SBNO2: variants seen among roughly 807,000 people sequenced by gnomAD.
The protein encoded by SBNO2 is protein strawberry notch homolog 2.
In SBNO2, 89 loss-of-function variants were observed where a neutral mutation model predicts 146.3. The observed-to-expected ratio is 0.61, with a 90% CI of 0.51 to 0.73. SBNO2 has a LOEUF of 0.73. SBNO2 is among the 30% of genes least tolerant of loss of function. The pLI is 0.00. For missense variants in SBNO2, 2,092 were observed against 2,003.7 expected, an observed-to-expected ratio of 1.04 and a Z score of -0.84; for synonymous variants, 1,147 against 892.6, an observed-to-expected ratio of 1.29 and a Z score of -5.08.
intron 1 of SBNO2, among the ~76,000 whole-genome samples, chr19:1,166,095 TCCCAAAC>T (rs2080419634): frequency 6.1e-5 from 1 of 16,414 alleles, no homozygotes; most frequent in Non-Finnish European, 1.1e-4. Flanking sequence ...AGACCCTAGA[TCCCAAAC>T]CCCAGATCTC....
At chr19:1,141,352 T>C (rs2080135569) in intron 4 of SBNO2, among the ~76,000 whole-genome samples, 1 of 151,950 alleles carries the variant, frequency 6.6e-6, no homozygotes, top group South Asian at 2.1e-4. Flanking sequence ...GTAGCTGGGA[T>C]TACAGGTGCC....
Position 1,140,098 on chromosome 19 carries a change from G to T in SBNO2, c.279+7211C>A, listed in dbSNP as rs1355248211. Among the ~76,000 whole-genome samples the T allele has an allele frequency of 6.6e-6, 1 of 152,080 alleles. No homozygotes were observed. Among genetic ancestry groups the T allele is most frequent in the African/African-American group, 2.4e-5 (1 of 41,412 alleles). ...GTGGATCACAAGGTCAGGAGATTGA[G>T]ACCAGCCTGGCTAACACGGTGAAAC... is the stretch of plus-strand genomic sequence containing the variant. On this transcript the variant is annotated intron_variant, in intron 4 of 31. Transcript: ENST00000361757. The surrounding 1 kb of genome is among the most constrained non-coding windows in gnomAD (Gnocchi z 4.4).
At chr19:1,170,132 C>G (rs137867127) in intron 1 of SBNO2, among the ~76,000 whole-genome samples, 3 of 152,356 alleles carry the variant, frequency 2.0e-5, no homozygotes, top group Non-Finnish European at 4.4e-5. Flanking sequence ...GCCGGGCGCA[C>G]AGACGACAGA....
intron 4 of SBNO2, chr19:1,132,214 C>T (rs1240223631): frequency 5.9e-6 from 8 of 1,350,340 alleles, no homozygotes; most frequent in Non-Finnish European, 6.7e-6. Context: ...GGCAGCAGCC[C>T]CAGCATTGGG....
Position 1,122,995 on chromosome 19 carries a change from A to C in SBNO2, c.679T>G (p.Ser227Ala). The C allele has an allele frequency of 1.3e-6, 2 of 1,583,798 alleles. No individual in the cohort carries two copies. The highest frequency in any genetic ancestry group is 8.6e-7 in the Non-Finnish European group (1 of 1,165,744). ...GTGATGTCTGGGGGTGGGACGCTGG[A>C]CAGTGTGCTGGTCTCCACCACGCGG... ...PDRVVETSTLSSVPPPDITYT... is the reference protein window; with the variant it reads ...PDRVVETSTLASVPPPDITYT... Residue 227 changes from serine to alanine, a missense_variant, in exon 8 of 32, where the codon TCC becomes GCC. Coordinates refer to ENST00000361757, the MANE Select transcript of SBNO2 (RefSeq NM_014963.3).
At chr19:1,132,185 G>A in intron 4 of SBNO2, 1 of 1,410,144 alleles carries the variant, frequency 7.1e-7, no homozygotes, top group Non-Finnish European at 9.2e-7. Flanking sequence ...CTGCCCGGGA[G>A]CGGCTCCCTC....
rs2080269352 is a variant in SBNO2, at chr19:1,154,324, A to G, written c.-48T>C. The G allele has an allele frequency of 1.8e-6, 2 of 1,111,396 alleles. No homozygotes were observed. Among genetic ancestry groups the G allele is most frequent in the Non-Finnish European group, 1.1e-6 (1 of 875,278 alleles). The allele number at this position is 1,111,396 out of a possible 1,614,324, so 68.8% of individuals were successfully genotyped here. ...CCTCGGCCGGGCAGCAGGCGGCGGG[A>G]CTCCAGGACCCGGGGCCGCCGGGGC... On this transcript the variant is annotated 5_prime_UTR_variant, in exon 2 of 32. Coordinates refer to ENST00000361757, the MANE Select transcript of SBNO2 (RefSeq NM_014963.3).
At position 1,111,029 on chromosome 19, in the gene SBNO2, G is replaced by T; in HGVS notation, c.2874C>A (p.Asp958Glu). The T allele has an allele frequency of 6.3e-7, 1 of 1,582,012 alleles. No homozygotes were observed. Among genetic ancestry groups the T allele is most frequent in the Non-Finnish European group, 8.6e-7 (1 of 1,164,898 alleles). ...GGRESRNGCL[D>E]VEKDCSITKF... ...GTGTGGGGCACTCACCCTTCTCCAC[G>T]TCCAGGCAGCCATTCCGGGACTCCC... Residue 958 changes from aspartate (D) to glutamate (E), a missense_variant, in exon 25 of 32, where the codon GAC (aspartate) becomes GAA (glutamate). Coordinates refer to ENST00000361757, the MANE Select transcript of SBNO2 (RefSeq NM_014963.3).
chr19:1,117,252 C>A, intron 15 of SBNO2, 71 bp downstream of exon 15: 1 of 1,441,460 alleles, frequency 6.9e-7, no homozygotes, highest in Non-Finnish European at 9.3e-7. Context: ...CCAGGAAGGA[C>A]CTGGAAGAAG....
intron 1 of SBNO2, among the ~76,000 whole-genome samples, chr19:1,171,828 G>C (rs898990224): frequency 6.6e-6 from 1 of 152,166 alleles, no homozygotes; most frequent in South Asian, 2.1e-4. Flanking sequence ...CAGGTGAGAG[G>C]GCAGTGACTG....
intron 1 of SBNO2, among the ~76,000 whole-genome samples, chr19:1,172,185 G>A (rs117257689): frequency 2.0e-3 from 310 of 152,256 alleles, no homozygotes; most frequent in Non-Finnish European, 2.8e-3. Flanking sequence ...GCTGGCAGGC[G>A]CCTTCCAAGT....
chr19:1,147,433 G>GCC lies in SBNO2; in HGVS notation c.168-14_168-13insGG. The GCC allele has an allele frequency of 1.4e-5, 7 of 498,486 alleles. No individual in the cohort carries two copies. The highest frequency in any genetic ancestry group is 2.0e-5 in the Non-Finnish European group (7 of 348,056). The allele number at this position is 498,486 out of a possible 1,614,324, so 30.9% of individuals were successfully genotyped here. On this transcript the variant is annotated splice_polypyrimidine_tract_variant and intron_variant, in intron 3 of 31. Coordinates refer to ENST00000361757, the MANE Select transcript of SBNO2 (RefSeq NM_014963.3). ...GCTCATGAACGGGCTGGAGGGAGAT[G>GCC]GGGGGGGGGGAGGTGAGATGGGGTG...
In SBNO2 at chr19:1,108,197, G is replaced by T; in HGVS notation, c.*23C>A. The T allele has an allele frequency of 6.6e-7, 1 of 1,522,506 alleles. No homozygotes were observed. The highest frequency in any genetic ancestry group is 1.4e-5 in the African/African-American group (1 of 70,284). The allele number at this position is 1,522,506 out of a possible 1,614,324, so 94.3% of individuals were successfully genotyped here. A position where few individuals can be genotyped will look rare whatever the true frequency, so the allele number is the denominator to read the frequency against. ...GGGAGAAACGGTCCCTGTGTCTTGG[G>T]GCATGTTTCGCCTAAAGGCGTGTCA... On this transcript the variant is annotated 3_prime_UTR_variant, in exon 32 of 32. Coordinates refer to ENST00000361757, the MANE Select transcript of SBNO2 (RefSeq NM_014963.3).
rs2080228741 is a variant in SBNO2, at chr19:1,150,117, G to A, written c.94-675C>T. Among the ~76,000 whole-genome samples, 1 of 152,124 alleles carries A rather than the reference G, an allele frequency of 6.6e-6. No homozygotes were observed. Among genetic ancestry groups the A allele is most frequent in the African/African-American group, 2.4e-5 (1 of 41,418 alleles). On this transcript the variant is annotated intron_variant, in intron 2 of 31. Transcript: ENST00000361757. The surrounding 1 kb of genome is among the most constrained non-coding windows in gnomAD (Gnocchi z 6.2). ...GTGGCTCCAGGTTGGCCGAATCTCTGGTGGGTCTGACTCCAGGCCAGGCTT... is the reference window on the plus strand; with the variant it reads ...GTGGCTCCAGGTTGGCCGAATCTCTAGTGGGTCTGACTCCAGGCCAGGCTT...
chr19:1,161,048 CG>C (rs2080338355), intron 1 of SBNO2, among the ~76,000 whole-genome samples: 1 of 119,818 alleles, frequency 8.3e-6, no homozygotes, highest in South Asian at 2.9e-4. Flanking sequence ...ACAGCCAGAC[CG>C]GGAGCACCGG....
chr19:1,128,182 C>A (rs746862707), intron 4 of SBNO2: 15 of 487,514 alleles, frequency 3.1e-5, no homozygotes, highest in African/African-American at 2.9e-4. Context: ...AAACACCAAC[C>A]CTCAGGGCCA....
rs760198298 is a variant in SBNO2 at position 1,122,678 on chromosome 19, G to A, written c.894C>T (p.Arg298=). ...CTCACCACAATGCTTTCTTCCGGCC[G>A]CGCAGGTGGTTCTCCAGGATGACTC... The part of the protein sequence containing the change: ...VAGVILENHL[R]GRKKALWFSV... Residue 298 remains arginine, a synonymous_variant, in exon 9 of 32, where the codon CGC becomes CGT. Coordinates refer to ENST00000361757, the MANE Select transcript of SBNO2 (RefSeq NM_014963.3). The A allele has an allele frequency of 3.5e-5, 54 of 1,524,796 alleles. No homozygotes were observed. The highest frequency in any genetic ancestry group is 1.7e-4 in the Middle Eastern group (1 of 5,838). 94.5% of individuals were successfully genotyped at this position (1,524,796 alleles called of 1,614,324 possible). A position where few individuals can be genotyped will look rare whatever the true frequency, so the allele number is the denominator to read the frequency against.
rs548729166 is a variant in SBNO2 at position 1,109,497 on chromosome 19, C to T, written c.3216+9G>A. On this transcript the variant is annotated intron_variant, in intron 28 of 31. Coordinates refer to ENST00000361757, the MANE Select transcript of SBNO2 (RefSeq NM_014963.3). This position sits in a 1 kb window ranked among gnomAD's most constrained non-coding sequence, Gnocchi z 4.2. Reference sequence around the variant, plus strand: ...CCTCCTCTGGGGGGGTAACCCCGCCCGACCCCACCTTGTAGGAGAGGTAGA... The same window carrying T: ...CCTCCTCTGGGGGGGTAACCCCGCCTGACCCCACCTTGTAGGAGAGGTAGA... 1,118 of 1,588,578 alleles carry T rather than the reference C, an allele frequency of 7.0e-4. 7 individuals carry two copies. Among genetic ancestry groups the T allele is most frequent in the Middle Eastern group, 4.8e-3 (29 of 6,034 alleles).
chr19:1,157,447 G>A lies in SBNO2; in HGVS notation c.-126-3045C>T, dbSNP rs1281771426. Among the ~76,000 whole-genome samples, 3 of 144,956 alleles carry A rather than the reference G, an allele frequency of 2.1e-5. No homozygotes were observed. The highest frequency in any genetic ancestry group is 4.6e-5 in the Non-Finnish European group (3 of 65,284). ...TCTCCCCACGCGGCCCCGGTGACAC[G>A]GCCCACCCCGAGCCTCAGAGCCACG... is the stretch of plus-strand genomic sequence containing the variant. On this transcript the variant is annotated intron_variant, in intron 1 of 31. Transcript: ENST00000361757. The surrounding 1 kb of genome is among the most constrained non-coding windows in gnomAD (Gnocchi z 6.8).
Sources: allele counts gnomAD v4.1 joint callset (sites outside exome capture counted in the v4.1 genomes callset), GRCh38; gene constraint gnomAD v4.1.1; non-coding constraint Gnocchi (gnomAD v3.1); transcripts MANE v1.5; gene names NCBI Gene and HGNC (gene_info 2026-07-23, HGNC 2026-07-21).